PABPC4L: variants seen among roughly 807,000 people sequenced by gnomAD.
PABPC4L encodes the protein poly(A) binding protein cytoplasmic 4 like.
For missense variants in PABPC4L, 452 were observed against 451.4 expected (o/e 1.00, Z -0.01); for synonymous variants, 169 against 164.1 (o/e 1.03, Z -0.23).
At chr4:134,070,661 G>A in the PABPC4L span, among the ~76,000 whole-genome samples, 32 of 152,216 alleles carry the variant, frequency 2.1e-4, no homozygotes, top group Admixed American at 2.0e-3. Context: ...GTGGGTCACT[G>A]TGGGCCAGCA....
At chr4:133,971,428 A>G in the PABPC4L span, among the ~76,000 whole-genome samples, 1 of 151,906 alleles carries the variant, frequency 6.6e-6, no homozygotes, top group Non-Finnish European at 1.5e-5. Flanking sequence ...CTTTAATATT[A>G]TTTCACTTTT....
At chr4:134,071,719 G>C in the PABPC4L span, among the ~76,000 whole-genome samples, 316 of 152,234 alleles carry the variant, frequency 2.1e-3, 1 homozygote, top group Non-Finnish European at 2.9e-3. Context: ...AGGTGATTGG[G>C]TTAGACATTT....
the PABPC4L span, among the ~76,000 whole-genome samples, chr4:134,042,299 G>A: frequency 2.0e-5 from 3 of 152,042 alleles, no homozygotes; most frequent in Non-Finnish European, 4.4e-5. Flanking sequence ...GAAGGTTGGG[G>A]GTGGGCAGGG....
chr4:134,188,891 G>A, the PABPC4L span, among the ~76,000 whole-genome samples: 3 of 151,558 alleles, frequency 2.0e-5, no homozygotes, highest in African/African-American at 7.3e-5. Flanking sequence ...TATTTCTTTT[G>A]TTTCATTCTC....
chr4:134,105,308 C>T, the PABPC4L span, among the ~76,000 whole-genome samples: 1 of 151,212 alleles, frequency 6.6e-6, no homozygotes, highest in Non-Finnish European at 1.5e-5. Context: ...CAAAAATAGC[C>T]CAATATTTGG....
At chr4:134,113,238 G>A in the PABPC4L span, among the ~76,000 whole-genome samples, 2 of 151,854 alleles carry the variant, frequency 1.3e-5, no homozygotes, top group Admixed American at 1.3e-4. Flanking sequence ...AATGTGCAAT[G>A]TTTATAAGGT....
At chr4:134,005,336 C>A in the PABPC4L span, among the ~76,000 whole-genome samples, 25 of 151,842 alleles carry the variant, frequency 1.6e-4, no homozygotes, top group East Asian at 3.9e-4. Context: ...GCCATGTATA[C>A]CTTTGCATAT....
At chr4:134,144,299 C>T in the PABPC4L span, among the ~76,000 whole-genome samples, 1 of 151,462 alleles carries the variant, frequency 6.6e-6, no homozygotes, top group Admixed American at 6.6e-5. Context: ...TATCATTATT[C>T]CCTATACCTA....
the PABPC4L span, among the ~76,000 whole-genome samples, chr4:134,117,538 TCCTGACCATAGAAA>T: frequency 1.3e-5 from 2 of 151,760 alleles, no homozygotes; most frequent in African/African-American, 4.8e-5. Flanking sequence ...CTTTTTTATT[TCCTGACCATAGAAA>T]CCGTGACAGT....
chr4:134,159,984 T>C, the PABPC4L span, among the ~76,000 whole-genome samples: 172 of 152,070 alleles, frequency 1.1e-3, no homozygotes, highest in African/African-American at 3.9e-3. Flanking sequence ...CAATTCCAGG[T>C]TTTTACTCCT....
chr4:134,092,586 T>C, the PABPC4L span, among the ~76,000 whole-genome samples: 1,927 of 152,120 alleles, frequency 0.013, 42 homozygotes, highest in African/African-American at 0.041. Context: ...CTGCCACTGC[T>C]AAAAGGGCAT....
chr4:134,015,393 T>C, the PABPC4L span, among the ~76,000 whole-genome samples: 14 of 152,152 alleles, frequency 9.2e-5, no homozygotes, highest in Non-Finnish European at 1.3e-4. Context: ...CCCTCCACAA[T>C]CCATTATTCT....
At chr4:133,986,214 C>A in the PABPC4L span, among the ~76,000 whole-genome samples, 1 of 152,040 alleles carries the variant, frequency 6.6e-6, no homozygotes, top group Non-Finnish European at 1.5e-5. Context: ...GTAGTGAAAA[C>A]TTATTGCCAT....
At chr4:134,150,692 A>G in the PABPC4L span, among the ~76,000 whole-genome samples, 17 of 152,102 alleles carry the variant, frequency 1.1e-4, no homozygotes, top group East Asian at 1.7e-3. Flanking sequence ...CCACGTTCCA[A>G]TCCAAGATAT....
At chr4:133,956,497 C>G in the PABPC4L span, among the ~76,000 whole-genome samples, 2 of 151,984 alleles carry the variant, frequency 1.3e-5, no homozygotes, top group African/African-American at 4.8e-5. Flanking sequence ...AATATGGTAC[C>G]TTGGCATTTG....
the PABPC4L span, among the ~76,000 whole-genome samples, chr4:134,066,650 C>A: frequency 2.6e-5 from 4 of 152,128 alleles, no homozygotes; most frequent in Non-Finnish European, 5.9e-5. Context: ...AGCTTTTGCC[C>A]GTACAGTATG....
chr4:134,159,055 A>G, the PABPC4L span, among the ~76,000 whole-genome samples: 1 of 152,204 alleles, frequency 6.6e-6, no homozygotes, highest in Admixed American at 6.5e-5. Flanking sequence ...GAACACCTGC[A>G]TAGGGCACTT....
At chr4:134,136,546 C>T in the PABPC4L span, among the ~76,000 whole-genome samples, 2 of 151,956 alleles carry the variant, frequency 1.3e-5, no homozygotes, top group African/African-American at 2.4e-5. Context: ...ACTTCCTTTA[C>T]ATTTGTTAAA....
At chr4:134,126,346 G>T in the PABPC4L span, among the ~76,000 whole-genome samples, 1 of 152,088 alleles carries the variant, frequency 6.6e-6, no homozygotes, top group African/African-American at 2.4e-5. Flanking sequence ...CTATTTCTTA[G>T]TCTCAGCTGG....
Sources: gnomAD v4.1 joint callset for allele counts (sites outside exome capture counted in the v4.1 genomes callset) on GRCh38, gnomAD v4.1.1 for gene constraint, MANE v1.5 for transcripts, NCBI Gene and HGNC (gene_info 2026-07-23, HGNC 2026-07-21) for gene names.